The following SNX25 variants were observed in gnomAD, a reference collection of about 807,000 sequenced individuals.
SNX25 encodes sorting nexin 25, also known as sorting nexin-25.
A neutral mutation model predicts 113.7 loss-of-function variants in SNX25; 62 were observed. The observed-to-expected ratio is 0.55, with a 90% CI of 0.44 to 0.67. The LOEUF is 0.67. Ranked by LOEUF, SNX25 falls within the 30% of genes least tolerant of loss-of-function variation. The pLI is 0.00. For synonymous variants in SNX25, 421 were observed against 436.2 expected (o/e 0.97, Z 0.43); for missense variants, 1,014 against 1,161.0 (o/e 0.87, Z 1.84).
intron 1 of SNX25, among the ~76,000 whole-genome samples, chr4:185,242,309 G>A (rs73873409): frequency 6.6e-6 from 1 of 151,862 alleles, no homozygotes; most frequent in East Asian, 1.9e-4. Context: ...TTCCAGCATC[G>A]TCTACCTGGA....
intron 1 of SNX25, among the ~76,000 whole-genome samples, chr4:185,241,113 G>A (rs1284301729): frequency 4.0e-5 from 6 of 151,738 alleles, no homozygotes; most frequent in South Asian, 4.2e-4. Flanking sequence ...GCACTTTGCG[G>A]GGCCAAGGCA....
intron 5 of SNX25, among the ~76,000 whole-genome samples, chr4:185,272,305 A>G (rs552490662): frequency 1.4e-4 from 22 of 152,328 alleles, no homozygotes; most frequent in South Asian, 8.3e-4. Flanking sequence ...GAAACTCACA[A>G]TTGCCATTAA....
chr4:185,304,661 T>A (rs1418304125), intron 6 of SNX25, among the ~76,000 whole-genome samples: 1 of 151,408 alleles, frequency 6.6e-6, no homozygotes. Flanking sequence ...CGGGCCTAAA[T>A]TTTTTTTTAT....
At position 185,346,598 on chromosome 4, in the gene SNX25, T is replaced by A. The variant is rs368932876; in HGVS notation, c.2249T>A (p.Ile750Lys). ...CTTAGCAAGCTGCCTTTCAAATCTATAGATCAAAAGTTTATGGAAAAGTCG... is the reference window on the plus strand; with the variant it reads ...CTTAGCAAGCTGCCTTTCAAATCTAAAGATCAAAAGTTTATGGAAAAGTCG... Reference protein sequence around the residue: ...PSLSKLPFKSIDQKFMEKSKN... With the variant: ...PSLSKLPFKSKDQKFMEKSKN... The change falls in exon 13 of 19, where the codon ATA (isoleucine) becomes AAA (lysine). Residue 750 changes from isoleucine to lysine, a missense_variant. Physicochemically the swap from Ile to Lys is moderately radical, Grantham distance 102. Transcript: ENST00000652585. The A allele has an allele frequency of 1.3e-6, 2 of 1,594,208 alleles. No homozygotes were observed.
intron 5 of SNX25, among the ~76,000 whole-genome samples, chr4:185,281,980 C>T (rs1050420347): frequency 2.0e-5 from 3 of 152,080 alleles, no homozygotes; most frequent in Admixed American, 6.5e-5. Flanking sequence ...TGCACCATTG[C>T]ACTCCAGTCT....
intron 1 of SNX25, among the ~76,000 whole-genome samples, chr4:185,219,206 T>C (rs1198881599): frequency 1.3e-5 from 2 of 152,184 alleles, no homozygotes; most frequent in African/African-American, 2.4e-5. Flanking sequence ...CAAGGCCACA[T>C]GTATGCTTTA....
exon 12 of SNX25, chr4:185,370,134 A>C (rs2095410133): frequency 6.2e-6 from 1 of 160,502 alleles, no homozygotes; most frequent in Admixed American, 6.0e-5. Context: ...ATTTACTTTG[A>C]GATGTGAAAC....
intron 4 of SNX25, among the ~76,000 whole-genome samples, chr4:185,265,740 C>G (rs1747986776): frequency 6.6e-6 from 1 of 152,016 alleles, no homozygotes; most frequent in Admixed American, 6.6e-5. Flanking sequence ...TCATCATTAT[C>G]AAGTATGCAC....
chr4:185,293,119 C>T (rs1752406968), intron 6 of SNX25, among the ~76,000 whole-genome samples: 1 of 152,144 alleles, frequency 6.6e-6, no homozygotes, highest in Non-Finnish European at 1.5e-5. Flanking sequence ...CACTTCATGC[C>T]TTCTAGGGTG....
At chr4:185,223,135 C>T (rs933748291) in intron 1 of SNX25, among the ~76,000 whole-genome samples, 1 of 152,136 alleles carries the variant, frequency 6.6e-6, no homozygotes, top group Admixed American at 6.5e-5. Context: ...CTTTGTATCT[C>T]CACCCCAATA....
chr4:185,326,363 T>TTTGGAG (rs2095157192), intron 9 of SNX25, among the ~76,000 whole-genome samples: 2 of 152,148 alleles, frequency 1.3e-5, no homozygotes, highest in Admixed American at 6.5e-5. Context: ...TCCAAAGTTA[T>TTTGGAG]CAGAAACCTG....
At chr4:185,266,494 A>G (rs141488180) in intron 4 of SNX25, among the ~76,000 whole-genome samples, 201 of 152,028 alleles carry the variant, frequency 1.3e-3, no homozygotes, top group African/African-American at 4.5e-3. Context: ...CCGAGTAGCT[A>G]GGATTACAGA....
At chr4:185,299,453 C>T (rs1165872657) in intron 6 of SNX25, among the ~76,000 whole-genome samples, 1 of 152,150 alleles carries the variant, frequency 6.6e-6, no homozygotes, top group Non-Finnish European at 1.5e-5. Context: ...TGCTCACCCC[C>T]AACCCCTACC....
chr4:185,242,363 G>A (rs1232591502), intron 1 of SNX25, among the ~76,000 whole-genome samples: 5 of 152,082 alleles, frequency 3.3e-5, no homozygotes, highest in Non-Finnish European at 7.4e-5. Context: ...CAGTCCCCAA[G>A]AGCCCTCAAC....
chr4:185,248,743 G>A (rs1745205597), intron 2 of SNX25, among the ~76,000 whole-genome samples: 1 of 152,198 alleles, frequency 6.6e-6, no homozygotes, highest in Non-Finnish European at 1.5e-5. Flanking sequence ...ATACAATTCA[G>A]TAATTTTCAT....
intron 7 of SNX25, among the ~76,000 whole-genome samples, chr4:185,317,689 A>G (rs2095085797): frequency 6.6e-6 from 1 of 152,192 alleles, no homozygotes; most frequent in African/African-American, 2.4e-5. Context: ...ATGAAGCTAG[A>G]AAACGAAACA....
upstream of SNX25, among the ~76,000 whole-genome samples, chr4:185,204,908 A>G (rs777738108): frequency 6.6e-6 from 1 of 152,262 alleles, no homozygotes; most frequent in African/African-American, 2.4e-5. Flanking sequence ...TACCTTAAGC[A>G]CTGTAAGACA....
chr4:185,326,600 C>T (rs949733065), intron 9 of SNX25, among the ~76,000 whole-genome samples: 1 of 152,084 alleles, frequency 6.6e-6, no homozygotes, highest in Non-Finnish European at 1.5e-5. Context: ...GAATTATAGG[C>T]GTCTCCCAAA....
chr4:185,222,281 C>T (rs1339864989), intron 1 of SNX25, among the ~76,000 whole-genome samples: 4 of 22,316 alleles, frequency 1.8e-4, no homozygotes, highest in African/African-American at 2.7e-4. Context: ...CCCTCCTTCG[C>T]GGTAGGTATA....
Sources: allele counts gnomAD v4.1 joint callset (sites outside exome capture counted in the v4.1 genomes callset), GRCh38; gene constraint gnomAD v4.1.1; transcripts MANE v1.5; gene names NCBI Gene and HGNC (gene_info 2026-07-23, HGNC 2026-07-21).